SULT1E1: variants seen among roughly 807,000 people sequenced by gnomAD.
The protein encoded by SULT1E1 is sulfotransferase family 1E member 1.
SULT1E1 carries 36 observed loss-of-function variants against 33.6 expected under a neutral mutation model. The ratio of observed to expected loss-of-function variants is 1.07; its 90% CI spans 0.82 to 1.41. The LOEUF (loss-of-function observed/expected upper bound fraction) is 1.41. SULT1E1 is among the 40% of genes most tolerant of loss of function. SULT1E1 has a pLI of 0.00. For missense variants in SULT1E1, 371 were observed against 345.7 expected (o/e 1.07, Z -0.58); for synonymous variants, 121 against 111.7 (o/e 1.08, Z -0.53).
the SULT1E1 span, among the ~76,000 whole-genome samples, chr4:69,823,340 C>G: frequency 6.6e-6 from 1 of 152,154 alleles, no homozygotes; most frequent in Non-Finnish European, 1.5e-5. Context: ...GCAGAATTTT[C>G]ACCATTCTCC....
downstream of SULT1E1, among the ~76,000 whole-genome samples, chr4:69,836,948 T>C (rs1473944680): frequency 3.3e-5 from 5 of 152,186 alleles, no homozygotes; most frequent in Non-Finnish European, 5.9e-5. Context: ...CCAAGCATGG[T>C]AGCATGTGCC....
intron 3 of SULT1E1, among the ~76,000 whole-genome samples, chr4:69,854,980 T>C (rs1401651462): frequency 6.6e-6 from 1 of 152,094 alleles, no homozygotes; most frequent in African/African-American, 2.4e-5. Flanking sequence ...GCATATATCA[T>C]TGAAAAATTT....
At chr4:69,849,694 C>G in intron 4 of SULT1E1, 131 bp from the exon 5 acceptor site, 1 of 766,342 alleles carries the variant, frequency 1.3e-6, no homozygotes, top group Non-Finnish European at 2.0e-6. Flanking sequence ...ATGCATAAGA[C>G]ATGTACAATT....
At chr4:69,854,170 A>T in intron 4 of SULT1E1, 47 bp downstream of exon 4, 1 of 1,395,556 alleles carries the variant, frequency 7.2e-7, no homozygotes, top group Non-Finnish European at 1.0e-6. Context: ...TCACTCTATC[A>T]TTTCTTGGAA....
chr4:69,843,438 T>C (rs771135192), intron 7 of SULT1E1, among the ~76,000 whole-genome samples: 1 of 152,192 alleles, frequency 6.6e-6, no homozygotes, highest in African/African-American at 2.4e-5. Flanking sequence ...TTTGTTTTTT[T>C]CCCCAGTGGC....
In SULT1E1 at chr4:69,849,556, T is replaced by G. The variant is rs767962674; in HGVS notation, c.377A>C (p.Tyr126Ser). The change falls in exon 5 of 8, where the codon TAT becomes TCT. Residue 126 changes from tyrosine (Y) to serine (S), a missense_variant. Transcript: ENST00000226444. Reference protein sequence around the residue: ...SFWEKDCKIIYLCRNAKDVAV... With the variant: ...SFWEKDCKIISLCRNAKDVAV... Reference sequence around the variant, plus strand: ...CACATCCTTTGCATTCCGGCAAAGATAGATTATCTAAGAGGATGAAATTGT... The same window carrying G: ...CACATCCTTTGCATTCCGGCAAAGAGAGATTATCTAAGAGGATGAAATTGT... The G allele has an allele frequency of 8.1e-6, 13 of 1,604,706 alleles. No individual in the cohort carries two copies. Among genetic ancestry groups the G allele is most frequent in the East Asian group, 6.7e-5 (3 of 44,754 alleles).
chr4:69,829,371 C>T, the SULT1E1 span, among the ~76,000 whole-genome samples: 173 of 152,264 alleles, frequency 1.1e-3, 4 homozygotes, highest in South Asian at 0.015. Context: ...CTGATGGACC[C>T]AAACCAGAGT....
At chr4:69,857,354 G>A in intron 2 of SULT1E1, 146 bp downstream of exon 2, 1 of 979,854 alleles carries the variant, frequency 1.0e-6, no homozygotes, top group Non-Finnish European at 1.4e-6. Flanking sequence ...TCATGGAATA[G>A]AGCTACCTTT....
At chr4:69,831,545 G>A in the SULT1E1 span, among the ~76,000 whole-genome samples, 3 of 152,146 alleles carry the variant, frequency 2.0e-5, no homozygotes, top group African/African-American at 7.2e-5. Context: ...AATTCACAGA[G>A]AGTTCTCAAC....
At chr4:69,835,925 T>C in the SULT1E1 span, among the ~76,000 whole-genome samples, 1 of 152,244 alleles carries the variant, frequency 6.6e-6, no homozygotes, top group Non-Finnish European at 1.5e-5. Flanking sequence ...GTTACAGACA[T>C]GAGCCACAGT....
chr4:69,825,780 C>G, the SULT1E1 span, among the ~76,000 whole-genome samples: 1 of 152,120 alleles, frequency 6.6e-6, no homozygotes, highest in Non-Finnish European at 1.5e-5. Flanking sequence ...GTGAGACTCG[C>G]CCATCTATCC....
the SULT1E1 span, among the ~76,000 whole-genome samples, chr4:69,821,233 A>T: frequency 2.6e-5 from 4 of 152,322 alleles, no homozygotes; most frequent in South Asian, 8.3e-4. Context: ...CTTAAAATTA[A>T]TGCAAAACTA....
chr4:69,854,336 GT>G (rs1721189548), intron 3 of SULT1E1, 22 bp from the exon 4 acceptor site: 1 of 1,509,400 alleles, frequency 6.6e-7, no homozygotes, highest in South Asian at 1.2e-5. Context: ...AAAAGTAAAG[GT>G]TAAGCAACTT....
intron 4 of SULT1E1, among the ~76,000 whole-genome samples, chr4:69,850,655 C>T (rs1721082772): frequency 6.6e-6 from 1 of 151,986 alleles, no homozygotes; most frequent in South Asian, 2.1e-4. Context: ...GAATGGAACC[C>T]TTTGCCACTG....
rs1721216911 is a variant in SULT1E1, at chr4:69,855,526, A to G, written c.146-100T>C. 1.1e-5 allele frequency: 14 copies of G among 1,220,748 alleles called. No individual in the cohort carries two copies. In the South Asian group the frequency reaches 2.0e-4, roughly 17 times the overall value. 75.6% of individuals were successfully genotyped at this position (1,220,748 alleles called of 1,614,324 possible). A position where few individuals can be genotyped will look rare whatever the true frequency, so the allele number is the denominator to read the frequency against. On this transcript the variant is annotated intron_variant, in intron 2 of 7. Transcript: ENST00000226444. ...GGAAAAAGTTGGAAGGTACCAATGCAATACTATTTAAAGGGTGTCTGAATA... is the reference window on the plus strand; with the variant it reads ...GGAAAAAGTTGGAAGGTACCAATGCGATACTATTTAAAGGGTGTCTGAATA...
At chr4:69,829,144 T>A in the SULT1E1 span, among the ~76,000 whole-genome samples, 1 of 152,200 alleles carries the variant, frequency 6.6e-6, no homozygotes, top group African/African-American at 2.4e-5. Context: ...ATATGTCCCA[T>A]TAAAGTATAC....
the SULT1E1 span, among the ~76,000 whole-genome samples, chr4:69,828,677 T>C: frequency 6.6e-6 from 1 of 152,196 alleles, no homozygotes; most frequent in African/African-American, 2.4e-5. Context: ...ACTCTCTTAT[T>C]TGTCACCAGG....
chr4:69,853,018 A>G lies in SULT1E1; in HGVS notation c.369+1199T>C, dbSNP rs1721158999. Among the ~76,000 whole-genome samples the G allele has an allele frequency of 2.6e-5, 4 of 152,302 alleles. No individual in the cohort carries two copies. In the South Asian group the frequency reaches 8.3e-4, roughly 32 times the overall value. Reference sequence around the variant, plus strand: ...GACTTCAGCAGGACGTATATCGTCTATCTAGGATTGCTAATGATAAAAACA... The same window carrying G: ...GACTTCAGCAGGACGTATATCGTCTGTCTAGGATTGCTAATGATAAAAACA... On this transcript the variant is annotated intron_variant, in intron 4 of 7. Transcript: ENST00000226444.
chr4:69,835,477 A>T, the SULT1E1 span, among the ~76,000 whole-genome samples: 1 of 152,216 alleles, frequency 6.6e-6, no homozygotes, highest in African/African-American at 2.4e-5. Flanking sequence ...CATTATGTCT[A>T]TTTGGAGAAC....
Sources: gnomAD v4.1 joint callset for allele counts (sites outside exome capture counted in the v4.1 genomes callset) on GRCh38, gnomAD v4.1.1 for gene constraint, MANE v1.5 for transcripts, NCBI Gene and HGNC (gene_info 2026-07-23, HGNC 2026-07-21) for gene names.